MC2R: variants seen among roughly 807,000 people sequenced by gnomAD.
MC2R encodes melanocortin 2 receptor.
In MC2R, 9 loss-of-function variants were observed where a neutral mutation model predicts 9.8. That is an observed-to-expected ratio of 0.92 (90% confidence interval 0.55 to 1.60). The LOEUF (loss-of-function observed/expected upper bound fraction) is 1.60, where lower values mean the gene tolerates loss of function less well. Among genes scored for constraint, MC2R ranks in the 40% most tolerant of loss-of-function variants. MC2R has a pLI of 0.00. For synonymous variants in MC2R, 185 were observed against 154.7 expected (o/e 1.20, Z -1.45); for missense variants, 370 against 389.0 (o/e 0.95, Z 0.41).
Position 13,889,714 on chromosome 18 carries a change from T to A in MC2R, c.-128-4068A>T, listed in dbSNP as rs532021424. 2.6e-5 allele frequency among the ~76,000 whole-genome samples: 4 copies of A among 152,310 alleles called. No homozygotes were observed. In the South Asian group the frequency reaches 6.2e-4, roughly 24 times the overall value. ...AAAAAAAATATATATAGTTTTTATA[T>A]TTTTTAAAGGCTCCAAGGGTAAGGA... On this transcript the variant is annotated intron_variant, in intron 1 of 1. Coordinates refer to ENST00000327606, the MANE Select transcript of MC2R (RefSeq NM_000529.2).
At chr18:13,886,871 G>A (rs529249109) in intron 1 of MC2R, among the ~76,000 whole-genome samples, 1 of 152,156 alleles carries the variant, frequency 6.6e-6, no homozygotes, top group Non-Finnish European at 1.5e-5. Context: ...GACTTGTCTG[G>A]AAAGGAACTA....
rs546005508 is a variant in MC2R, at chr18:13,907,098, A to C, written c.-129+8390T>G. Among the ~76,000 whole-genome samples, 5 of 152,354 alleles carry C rather than the reference A, an allele frequency of 3.3e-5. No homozygotes were observed. In the South Asian group the frequency reaches 6.2e-4, roughly 19 times the overall value. ...GAGCAAAAAGAGCAAAGTTGGAGGAATCACAGTACCTGACTTCCAAATTTA... is the reference window on the plus strand; with the variant it reads ...GAGCAAAAAGAGCAAAGTTGGAGGACTCACAGTACCTGACTTCCAAATTTA... On this transcript the variant is annotated intron_variant, in intron 1 of 1. Transcript: ENST00000327606.
At chr18:13,886,785 T>A (rs575522702) in intron 1 of MC2R, among the ~76,000 whole-genome samples, 1 of 152,206 alleles carries the variant, frequency 6.6e-6, no homozygotes, top group Non-Finnish European at 1.5e-5. Context: ...GGAAGACACT[T>A]CCTAGGGAGG....
At position 13,885,621 on chromosome 18, in the gene MC2R, G is replaced by C. The variant is rs28926176; in HGVS notation, c.-103C>G. ...TTTCTTCCTTGTAGCACTTGCTGGA[G>C]ATCTAAGTTAAAATCTCCCAATCAC... On this transcript the variant is annotated 5_prime_UTR_variant, in exon 2 of 2. The change creates a new upstream start codon in the 5' untranslated region. Transcript: ENST00000327606. 2 of 1,311,590 alleles carry C rather than the reference G, an allele frequency of 1.5e-6. No individual in the cohort carries two copies. The highest frequency in any genetic ancestry group is 2.2e-6 in the Non-Finnish European group (2 of 923,298). 81.2% of individuals were successfully genotyped at this position (1,311,590 alleles called of 1,614,324 possible).
Position 13,884,693 on chromosome 18 carries a change from A to C in MC2R, c.826T>G (p.Tyr276Asp), listed in dbSNP as rs765604274. ...MCNAVIDPFI[Y>D]AFRSPELRDA... ...CTGAGCTCTGGGCTCCGGAAGGCAT[A>C]TATGAAGGGGTCAATGACGGCATTG... Residue 276 changes from tyrosine to aspartate, a missense_variant, in exon 2 of 2, where the codon TAT becomes GAT. By Grantham distance (160) the Tyr-to-Asp change is radical. Transcript: ENST00000327606. 19 of 1,614,024 alleles carry C rather than the reference A, an allele frequency of 1.2e-5. No homozygotes were observed. Among genetic ancestry groups the C allele is most frequent in the Non-Finnish European group, 1.7e-6 (2 of 1,180,036 alleles).
At chr18:13,888,629 C>G (rs1357318411) in intron 1 of MC2R, among the ~76,000 whole-genome samples, 1 of 152,178 alleles carries the variant, frequency 6.6e-6, no homozygotes, top group African/African-American at 2.4e-5. Context: ...CCCCCTACTC[C>G]AACACAAACT....
At chr18:13,909,230 G>A (rs1353250242) in intron 1 of MC2R, among the ~76,000 whole-genome samples, 3 of 152,154 alleles carry the variant, frequency 2.0e-5, no homozygotes, top group African/African-American at 7.2e-5. Flanking sequence ...TTTTTCTCAT[G>A]ATTAGACTGG....
chr18:13,894,714 C>T (rs192860035), intron 1 of MC2R, among the ~76,000 whole-genome samples: 64 of 152,358 alleles, frequency 4.2e-4, no homozygotes, highest in African/African-American at 1.0e-3. Context: ...GTGTAGAACA[C>T]GCATTCCAGC....
Position 13,882,527 on chromosome 18 carries a change from T to C in MC2R, c.*2098A>G, listed in dbSNP as rs1204436163. ...GGCAGTGAGAGGTGAAGTTTCTTGG[T>C]GATTTTCCTTCTGACAACAGTCACA... is the stretch of plus-strand genomic sequence containing the variant. On this transcript the variant is annotated 3_prime_UTR_variant, in exon 2 of 2. Transcript: ENST00000327606. 2 of 152,344 alleles carry C rather than the reference T, an allele frequency of 1.3e-5. No homozygotes were observed. The highest frequency in any genetic ancestry group is 3.9e-4 in the East Asian group (2 of 5,174). The allele number at this position is 152,344 out of a possible 1,614,324, so 9.4% of individuals were successfully genotyped here. A position where few individuals can be genotyped will look rare whatever the true frequency, so the allele number is the denominator to read the frequency against.
chr18:13,884,485 A>G lies in MC2R; in HGVS notation c.*140T>C. 1 of 925,290 alleles carries G rather than the reference A, an allele frequency of 1.1e-6. No homozygotes were observed. Among genetic ancestry groups the G allele is most frequent in the Non-Finnish European group, 1.7e-6 (1 of 578,594 alleles). The allele number at this position is 925,290 out of a possible 1,614,324, so 57.3% of individuals were successfully genotyped here. ...GTTCACATAGAACCTAGCTATTAGA[A>G]ACACTAGCTGGTGGGATCATCCTTG... On this transcript the variant is annotated 3_prime_UTR_variant, in exon 2 of 2. Coordinates refer to ENST00000327606, the MANE Select transcript of MC2R (RefSeq NM_000529.2).
intron 1 of MC2R, among the ~76,000 whole-genome samples, chr18:13,913,727 G>A (rs1244255556): frequency 3.3e-5 from 5 of 152,192 alleles, no homozygotes; most frequent in Admixed American, 2.6e-4. Flanking sequence ...CTGTGTCCTT[G>A]CCCAAGTACA....
chr18:13,893,958 T>C (rs771517908), intron 1 of MC2R, among the ~76,000 whole-genome samples: 83 of 152,296 alleles, frequency 5.4e-4, no homozygotes, highest in African/African-American at 1.6e-3. Context: ...CAATATTACA[T>C]TGGATCCCAA....
chr18:13,909,603 G>A (rs2045433155), intron 1 of MC2R, among the ~76,000 whole-genome samples: 1 of 152,128 alleles, frequency 6.6e-6, no homozygotes, highest in Non-Finnish European at 1.5e-5. Context: ...ATGAATGCAT[G>A]GACAACTATT....
chr18:13,891,939 A>T (rs1240289329), intron 1 of MC2R, among the ~76,000 whole-genome samples: 2 of 152,236 alleles, frequency 1.3e-5, no homozygotes, highest in African/African-American at 4.8e-5. Context: ...GGAAAAACTA[A>T]GCAGCAAAAT....
intron 1 of MC2R, among the ~76,000 whole-genome samples, chr18:13,900,723 G>T (rs149287812): frequency 6.6e-6 from 1 of 152,014 alleles, no homozygotes; most frequent in Non-Finnish European, 1.5e-5. Flanking sequence ...ATATGCACCT[G>T]AGACTGTAGC....
At chr18:13,906,805 C>T (rs72547282) in intron 1 of MC2R, among the ~76,000 whole-genome samples, 1 of 152,066 alleles carries the variant, frequency 6.6e-6, no homozygotes, top group Non-Finnish European at 1.5e-5. Context: ...AAATTAAATA[C>T]TTTGAAATCA....
At chr18:13,889,699 T>C (rs757619780) in intron 1 of MC2R, among the ~76,000 whole-genome samples, 2 of 152,134 alleles carry the variant, frequency 1.3e-5, no homozygotes, top group Non-Finnish European at 2.9e-5. Context: ...AAAAAAAATA[T>C]ATATAGTTTT....
intron 1 of MC2R, among the ~76,000 whole-genome samples, chr18:13,894,362 A>T (rs1276398878): frequency 6.6e-6 from 1 of 152,154 alleles, no homozygotes; most frequent in Non-Finnish European, 1.5e-5. Flanking sequence ...GTGGAAGTTA[A>T]TTTTTGCTTT....
Position 13,883,413 on chromosome 18 carries a change from G to C in MC2R, c.*1212C>G, listed in dbSNP as rs560929795. 1 of 152,320 alleles carries C rather than the reference G, an allele frequency of 6.6e-6. No individual in the cohort carries two copies. The highest frequency in any genetic ancestry group is 2.1e-4 in the South Asian group (1 of 4,828). 9.4% of individuals were successfully genotyped at this position (152,320 alleles called of 1,614,324 possible). On this transcript the variant is annotated 3_prime_UTR_variant, in exon 2 of 2. Transcript: ENST00000327606. ...ATTGCTGGCATCTTGGCTGATGGGA[G>C]GATGACATTTCCCAGTGACTGGGTC...
Sources: allele counts gnomAD v4.1 joint callset (sites outside exome capture counted in the v4.1 genomes callset), GRCh38; gene constraint gnomAD v4.1.1; transcripts MANE v1.5; gene names NCBI Gene and HGNC (gene_info 2026-07-23, HGNC 2026-07-21).